Variants in JPH3 observed in about 807,000 individuals in gnomAD.
The protein encoded by JPH3 is junctophilin-3.
JPH3 carries 11 observed loss-of-function variants against 59.6 expected under a neutral mutation model. That is an observed-to-expected ratio of 0.18 (90% CI 0.12 to 0.31). The LOEUF (loss-of-function observed/expected upper bound fraction) is 0.31. Ranked by LOEUF, JPH3 falls within the 10% of genes least tolerant of loss-of-function variation. JPH3 has a pLI of 1.00. For missense variants in JPH3, 1,202 were observed against 1,105.7 expected (o/e 1.09, Z -1.24); for synonymous variants, 673 against 483.6 (o/e 1.39, Z -5.14).
chr16:87,690,275 T>C lies in JPH3; in HGVS notation c.1915T>C (p.Leu639=), dbSNP rs2033532483. The change falls in exon 4 of 5, where the codon TTG becomes CTG. Residue 639 remains leucine (L), a synonymous_variant. Coordinates refer to ENST00000284262, the MANE Select transcript of JPH3 (RefSeq NM_020655.4). ...RYSKGGACRG[L]GDDHRPEDRG... ...CAGCAAGGGCGGCGCCTGCCGGGGC[T>C]TGGGGGACGACCACCGCCCCGAGGA... The C allele has an allele frequency of 6.2e-7, 1 of 1,601,846 alleles. No individual in the cohort carries two copies. Among genetic ancestry groups the C allele is most frequent in the Non-Finnish European group, 8.5e-7 (1 of 1,174,646 alleles).
rs923015516 is a variant in JPH3, at chr16:87,696,985, G to T, written c.*325G>T. 1 of 354,978 alleles carries T rather than the reference G, an allele frequency of 2.8e-6. No individual in the cohort carries two copies. Among genetic ancestry groups the T allele is most frequent in the African/African-American group, 2.1e-5 (1 of 47,694 alleles). The allele number at this position is 354,978 out of a possible 1,614,324, so 22.0% of individuals were successfully genotyped here. A position where few individuals can be genotyped will look rare whatever the true frequency, so the allele number is the denominator to read the frequency against. On this transcript the variant is annotated 3_prime_UTR_variant, in exon 5 of 5. Coordinates refer to ENST00000284262, the MANE Select transcript of JPH3 (RefSeq NM_020655.4). The stretch of plus-strand genomic sequence containing the variant: ...AGTGGTAACAGCGGACGTTGTCCTC[G>T]TGGTCACACGTCCCGTCTTGGGTGT...
chr16:87,658,942 C>T (rs567283512), intron 2 of JPH3, among the ~76,000 whole-genome samples: 1 of 152,340 alleles, frequency 6.6e-6, no homozygotes, highest in Admixed American at 6.5e-5. Context: ...TCTTGCTGAG[C>T]AATAAGCAGC....
At chr16:87,622,257 G>A (rs1360535623) in intron 1 of JPH3, among the ~76,000 whole-genome samples, 1 of 152,210 alleles carries the variant, frequency 6.6e-6, no homozygotes, top group African/African-American at 2.4e-5. Context: ...TTGGGTGATG[G>A]CTCAGGGGAA....
rs528151273 is a variant in JPH3 at position 87,688,359 on chromosome 16, G to A, written c.1286-1287G>A. On this transcript the variant is annotated intron_variant, in intron 3 of 4. Transcript: ENST00000284262. Reference sequence around the variant, plus strand: ...GGACACAGCAGCCCAGCCTGGTGGCGTCGCAGCGTGCCCCGAATCTGCTTG... The same window carrying A: ...GGACACAGCAGCCCAGCCTGGTGGCATCGCAGCGTGCCCCGAATCTGCTTG... 1.1e-4 allele frequency among the ~76,000 whole-genome samples: 16 copies of A among 152,348 alleles called. No homozygotes were observed. The East Asian group carries it at 2.7e-3, about 26-fold the overall frequency.
At chr16:87,682,160 T>G (rs1349684608) in intron 2 of JPH3, among the ~76,000 whole-genome samples, 1 of 152,248 alleles carries the variant, frequency 6.6e-6, no homozygotes, top group Non-Finnish European at 1.5e-5. Flanking sequence ...TTGCTTCATT[T>G]CCTGGACACG....
intron 3 of JPH3, among the ~76,000 whole-genome samples, chr16:87,687,385 T>C (rs1428402192): frequency 1.3e-5 from 2 of 152,194 alleles, no homozygotes; most frequent in African/African-American, 4.8e-5. Flanking sequence ...CATCCAGCGC[T>C]TCGGCTGCAG....
At chr16:87,667,166 G>A (rs1247211704) in intron 2 of JPH3, among the ~76,000 whole-genome samples, 2 of 152,210 alleles carry the variant, frequency 1.3e-5, no homozygotes, top group African/African-American at 4.8e-5. Context: ...TCGTCACGTG[G>A]CCTCTCCTTC....
At chr16:87,617,779 C>T (rs778440137) in intron 1 of JPH3, among the ~76,000 whole-genome samples, 18 of 151,904 alleles carry the variant, frequency 1.2e-4, no homozygotes, top group Admixed American at 2.6e-4. Context: ...AGAAGCTGTG[C>T]GCAGCCGGGG....
chr16:87,677,219 CACACACAAAA>C (rs1208350989), intron 2 of JPH3, among the ~76,000 whole-genome samples: 1 of 120,918 alleles, frequency 8.3e-6, no homozygotes, highest in African/African-American at 3.6e-5. Context: ...CACACACACA[CACACACAAAA>C]AAAAAAATTA....
chr16:87,658,752 C>T (rs959486393), intron 2 of JPH3, among the ~76,000 whole-genome samples: 4 of 152,220 alleles, frequency 2.6e-5, no homozygotes, highest in Admixed American at 6.5e-5. Flanking sequence ...TTCCTAAGCC[C>T]CTCTCTCCTC....
At chr16:87,670,429 G>A (rs1004576853) in intron 2 of JPH3, among the ~76,000 whole-genome samples, 5 of 152,196 alleles carry the variant, frequency 3.3e-5, no homozygotes, top group African/African-American at 9.6e-5. Flanking sequence ...ACTTGCCACC[G>A]ATTATTCTAT....
chr16:87,604,147 A>G, intron 1 of JPH3: 7 of 1,361,840 alleles, frequency 5.1e-6, no homozygotes, highest in Non-Finnish European at 5.8e-6. Context: ...AGGGAGGCCC[A>G]TCTGCTCAGT....
chr16:87,689,895 G>A lies in JPH3; in HGVS notation c.1535G>A (p.Gly512Asp), dbSNP rs1278588083. 8.2e-6 allele frequency: 12 copies of A among 1,471,874 alleles called. No homozygotes were observed. The highest frequency in any genetic ancestry group is 2.7e-5 in the South Asian group (2 of 72,874). The allele number at this position is 1,471,874 out of a possible 1,614,324, so 91.2% of individuals were successfully genotyped here. Residue 512 changes from glycine (G) to aspartate (D), a missense_variant, in exon 4 of 5, where the codon GGC (glycine) becomes GAC (aspartate). Gly to Asp is a moderately conservative substitution (Grantham distance 94). Coordinates refer to ENST00000284262, the MANE Select transcript of JPH3 (RefSeq NM_020655.4). ...CAGGTGTCGGTGGACGAGGAGCGGG[G>A]CGGGGACATCCAGATGCTCCTGGAG... ...SRQVSVDEER[G>D]GDIQMLLEGR...
At chr16:87,648,399 G>A (rs997134337) in intron 2 of JPH3, among the ~76,000 whole-genome samples, 2 of 151,868 alleles carry the variant, frequency 1.3e-5, no homozygotes, top group African/African-American at 4.8e-5. Flanking sequence ...GGCCCCGGGC[G>A]GGCTCCTGCC....
At chr16:87,660,695 T>C (rs1010042643) in intron 2 of JPH3, among the ~76,000 whole-genome samples, 2 of 152,196 alleles carry the variant, frequency 1.3e-5, no homozygotes, top group African/African-American at 4.8e-5. Flanking sequence ...CAGCTGCCTC[T>C]TCCACAGATG....
chr16:87,689,567 G>A (rs942427804), intron 3 of JPH3, 79 bp from the exon 4 acceptor site: 45 of 1,476,106 alleles, frequency 3.0e-5, no homozygotes, highest in Middle Eastern at 2.2e-4. Flanking sequence ...TCCCTCTGGC[G>A]CCCTGGCCCG....
intron 1 of JPH3, among the ~76,000 whole-genome samples, chr16:87,617,059 T>A (rs2030998561): frequency 6.6e-6 from 1 of 152,098 alleles, no homozygotes; most frequent in Non-Finnish European, 1.5e-5. Flanking sequence ...ACCCCGTCTT[T>A]ACTAAAAATG....
intron 1 of JPH3, among the ~76,000 whole-genome samples, chr16:87,620,770 G>T (rs2031157453): frequency 6.6e-6 from 1 of 152,250 alleles, no homozygotes; most frequent in South Asian, 2.1e-4. Flanking sequence ...AGGCCACACG[G>T]TTCTGCTGTT....
chr16:87,602,445 G>GGGGGC (rs2030246904), upstream of JPH3, among the ~76,000 whole-genome samples: 1 of 106,502 alleles, frequency 9.4e-6, no homozygotes, highest in East Asian at 3.0e-4. Context: ...GGCGGGGGGC[G>GGGGGC]GGGGGCGGGG....
Sources: allele counts gnomAD v4.1 joint callset (sites outside exome capture counted in the v4.1 genomes callset), GRCh38; gene constraint gnomAD v4.1.1; transcripts MANE v1.5; gene names NCBI Gene and HGNC (gene_info 2026-07-23, HGNC 2026-07-21).